TMEM132C: variants seen among roughly 807,000 people sequenced by gnomAD.
TMEM132C encodes the protein protein phosphatase 1, regulatory subunit 152.
Under a neutral mutation model 61.4 loss-of-function variants are expected in TMEM132C, and 29 were observed. The observed-to-expected ratio is 0.47, with a 90% CI of 0.35 to 0.64. The LOEUF (loss-of-function observed/expected upper bound fraction) is 0.64. Ranked by LOEUF, TMEM132C falls within the 30% of genes least tolerant of loss-of-function variation. The pLI, the probability that TMEM132C is intolerant of heterozygous loss-of-function variation, is 0.00. For missense variants in TMEM132C, 1,408 were observed against 1,476.9 expected (o/e 0.95, Z 0.76); for synonymous variants, 656 against 633.1 (o/e 1.04, Z -0.54).
chr12:128,567,949 G>T (rs1321586985), intron 3 of TMEM132C, among the ~76,000 whole-genome samples: 5 of 152,216 alleles, frequency 3.3e-5, no homozygotes, highest in Admixed American at 6.5e-5. Context: ...CAGCCACGTG[G>T]CCTAGAGATA....
At chr12:128,466,598 C>T (rs925602538) in intron 2 of TMEM132C, among the ~76,000 whole-genome samples, 1 of 152,140 alleles carries the variant, frequency 6.6e-6, no homozygotes, top group African/African-American at 2.4e-5. Context: ...GTGGTGCAAT[C>T]CCAGCTCACT....
chr12:128,472,500 T>A (rs1192918884), intron 2 of TMEM132C, among the ~76,000 whole-genome samples: 1 of 152,218 alleles, frequency 6.6e-6, no homozygotes, highest in African/African-American at 2.4e-5. Flanking sequence ...CCAGGTCCAA[T>A]CTGTTCCCTA....
At chr12:128,539,296 G>A (rs1873646595) in intron 2 of TMEM132C, among the ~76,000 whole-genome samples, 1 of 152,312 alleles carries the variant, frequency 6.6e-6, no homozygotes, top group East Asian at 1.9e-4. Flanking sequence ...TCCCAAGCAT[G>A]AGTGTAAGGA....
At position 128,461,360 on chromosome 12, in the gene TMEM132C, G is replaced by A. The variant is rs559329070; in HGVS notation, c.974+45740G>A. Among the ~76,000 whole-genome samples the A allele has an allele frequency of 3.9e-5, 6 of 152,256 alleles. No individual in the cohort carries two copies. The South Asian group carries it at 6.2e-4, about 16-fold the overall frequency. ...TGATAAGTGCACACAGACCCCATCC[G>A]AAGACATTTTCAAATACTTTGAGTT... is the stretch of plus-strand genomic sequence containing the variant. On this transcript the variant is annotated intron_variant, in intron 2 of 8. Coordinates refer to ENST00000435159, the MANE Select transcript of TMEM132C (RefSeq NM_001136103.3).
chr12:128,423,145 G>T (rs150155162), intron 2 of TMEM132C, among the ~76,000 whole-genome samples: 1 of 152,324 alleles, frequency 6.6e-6, no homozygotes, highest in East Asian at 1.9e-4. Flanking sequence ...AAGACAGAAC[G>T]AAAGAGAGAC....
At chr12:128,309,406 G>T (rs1871897311) in intron 1 of TMEM132C, among the ~76,000 whole-genome samples, 1 of 152,120 alleles carries the variant, frequency 6.6e-6, no homozygotes, top group Admixed American at 6.5e-5. Flanking sequence ...CTACCAATAA[G>T]CATTTTGAAG....
At chr12:128,276,018 C>T (rs1870678170) in intron 1 of TMEM132C, among the ~76,000 whole-genome samples, 1 of 152,152 alleles carries the variant, frequency 6.6e-6, no homozygotes, top group Non-Finnish European at 1.5e-5. Context: ...TGATCCTTAC[C>T]TGTCTGTCTT....
chr12:128,312,013 G>C (rs566712092), intron 1 of TMEM132C, among the ~76,000 whole-genome samples: 2 of 152,196 alleles, frequency 1.3e-5, no homozygotes, highest in Non-Finnish European at 2.9e-5. Flanking sequence ...AAGGGACCCC[G>C]GAGCGGGGCT....
intron 1 of TMEM132C, among the ~76,000 whole-genome samples, chr12:128,369,509 T>G (rs1003624468): frequency 4.6e-5 from 7 of 150,986 alleles, no homozygotes; most frequent in Non-Finnish European, 1.0e-4. Context: ...TGCAGATGAT[T>G]CATGCTTCAG....
chr12:128,323,612 C>T (rs957557698), intron 1 of TMEM132C, among the ~76,000 whole-genome samples: 1 of 152,202 alleles, frequency 6.6e-6, no homozygotes, highest in African/African-American at 2.4e-5. Flanking sequence ...GCACCTCTGT[C>T]GCCTCCCCAG....
At chr12:128,598,451 C>G (rs981417877) in intron 3 of TMEM132C, among the ~76,000 whole-genome samples, 11 of 151,996 alleles carry the variant, frequency 7.2e-5, no homozygotes, top group Non-Finnish European at 1.2e-4. Flanking sequence ...AAAAAAAAGT[C>G]AGAGGAATGA....
At chr12:128,584,683 A>G (rs1247852762) in intron 3 of TMEM132C, among the ~76,000 whole-genome samples, 1 of 152,220 alleles carries the variant, frequency 6.6e-6, no homozygotes, top group Non-Finnish European at 1.5e-5. Flanking sequence ...ACACTGATCC[A>G]TGTGGCACCC....
At chr12:128,515,668 C>G (rs1872694763) in intron 2 of TMEM132C, among the ~76,000 whole-genome samples, 1 of 152,058 alleles carries the variant, frequency 6.6e-6, no homozygotes, top group Non-Finnish European at 1.5e-5. Flanking sequence ...CCCGTCTCTA[C>G]TAAAAATACA....
chr12:128,471,679 GC>G (rs1465279019), intron 2 of TMEM132C, among the ~76,000 whole-genome samples: 1 of 152,040 alleles, frequency 6.6e-6, no homozygotes, highest in Non-Finnish European at 1.5e-5. Context: ...ATACTTCCTG[GC>G]TGTGTGACCT....
chr12:128,654,102 A>G (rs1358552618), intron 4 of TMEM132C, among the ~76,000 whole-genome samples: 2 of 152,234 alleles, frequency 1.3e-5, no homozygotes, highest in Non-Finnish European at 2.9e-5. Flanking sequence ...CCCCCAAAAG[A>G]TATGCTGAAG....
chr12:128,442,398 A>T (rs1869828416), intron 2 of TMEM132C, among the ~76,000 whole-genome samples: 3 of 152,248 alleles, frequency 2.0e-5, no homozygotes, highest in Non-Finnish European at 4.4e-5. Context: ...CTGACTATTC[A>T]TTAGAACCAT....
chr12:128,685,438 T>C (rs1436334112), intron 5 of TMEM132C, among the ~76,000 whole-genome samples: 1 of 152,238 alleles, frequency 6.6e-6, no homozygotes, highest in African/African-American at 2.4e-5. Context: ...GTCGCTGCCA[T>C]TGGGCTGTGG....
chr12:128,470,588 A>G (rs534780880), intron 2 of TMEM132C, among the ~76,000 whole-genome samples: 14 of 152,288 alleles, frequency 9.2e-5, no homozygotes, highest in Middle Eastern at 3.4e-3. Context: ...TGGGTCAATC[A>G]CATACACACT....
At chr12:128,571,463 A>G (rs574389211) in intron 3 of TMEM132C, among the ~76,000 whole-genome samples, 50 of 152,330 alleles carry the variant, frequency 3.3e-4, no homozygotes, top group African/African-American at 1.1e-3. Flanking sequence ...ATCAAATACA[A>G]TGAAACTGTT....
Sources: allele counts gnomAD v4.1 joint callset (sites outside exome capture counted in the v4.1 genomes callset), GRCh38; gene constraint gnomAD v4.1.1; transcripts MANE v1.5; gene names NCBI Gene and HGNC (gene_info 2026-07-23, HGNC 2026-07-21).